The following LRRK1 variants were observed in gnomAD, a reference collection of about 807,000 sequenced individuals.
The protein encoded by LRRK1 is leucine rich repeat kinase 1, also known as leucine-rich repeat serine/threonine-protein kinase 1.
A neutral mutation model predicts 209.1 loss-of-function variants in LRRK1; 113 were observed. The observed-to-expected ratio is 0.54, with a 90% CI of 0.46 to 0.63. The LOEUF is 0.63. Among genes scored for constraint, LRRK1 ranks in the 30% least tolerant of loss-of-function variants. The probability of loss-of-function intolerance (pLI) is 0.00; values close to 1 mark genes in which losing one functional copy is unlikely to be tolerated. For missense variants in LRRK1, 2,284 were observed against 2,632.2 expected (o/e 0.87, Z 2.89); for synonymous variants, 1,144 against 1,099.7 (o/e 1.04, Z -0.80).
intron 21 of LRRK1, among the ~76,000 whole-genome samples, chr15:101,047,213 T>C (rs2035130746): frequency 6.6e-6 from 1 of 152,260 alleles, no homozygotes; most frequent in South Asian, 2.1e-4. Context: ...AAAAATGTTC[T>C]TTGATCTTCC....
At chr15:101,013,751 G>C (rs773787820) in intron 10 of LRRK1, among the ~76,000 whole-genome samples, 1 of 152,168 alleles carries the variant, frequency 6.6e-6, no homozygotes. Context: ...GGCTACCCAC[G>C]AGGGGCACCC....
Position 101,066,151 on chromosome 15 carries a change from A to G in LRRK1, c.5714A>G (p.Gln1905Arg). 1 of 1,613,710 alleles carries G rather than the reference A, an allele frequency of 6.2e-7. No homozygotes were observed. Among genetic ancestry groups the G allele is most frequent in the Non-Finnish European group, 8.5e-7 (1 of 1,179,814 alleles). ...LTPMDGETFS[Q>R]HLQAVKILAV... ...CCCATGGACGGGGAGACCTTCAGCC[A>G]GCACCTGCAGGCCGTGAAGATCCTC... Residue 1905 changes from glutamine (Q) to arginine (R), a missense_variant, in exon 32 of 34, where the codon CAG (glutamine) becomes CGG (arginine). By Grantham distance (43) the Gln-to-Arg change is conservative (BLOSUM62 1). This residue lies in a region of LRRK1 where 643 missense variants were observed against 695.9 expected (regional missense o/e 0.92). Transcript: ENST00000388948.
At position 101,027,801 on chromosome 15, in the gene LRRK1, G is replaced by T; in HGVS notation, c.2686+4G>T. ...GACTACGAGGACCTGCAGTCAGGTG[G>T]GTGGGGCTGGGGTAGGTGGCAGGGT... On this transcript the variant is annotated splice_donor_region_variant and intron_variant, in intron 19 of 33. Transcript: ENST00000388948. This position sits in a 1 kb window ranked among gnomAD's most constrained non-coding sequence, Gnocchi z 5.1. 6.4e-7 allele frequency: 1 copy of T among 1,570,040 alleles called. No individual in the cohort carries two copies. Among genetic ancestry groups the T allele is most frequent in the Non-Finnish European group, 8.6e-7 (1 of 1,156,702 alleles).
chr15:101,027,980 A>C lies in LRRK1; in HGVS notation c.2686+183A>C, dbSNP rs2034118497. Among the ~76,000 whole-genome samples the C allele has an allele frequency of 6.6e-6, 1 of 151,892 alleles. No individual in the cohort carries two copies. Among genetic ancestry groups the C allele is most frequent in the Non-Finnish European group, 1.5e-5 (1 of 67,972 alleles). On this transcript the variant is annotated intron_variant, in intron 19 of 33. Coordinates refer to ENST00000388948, the MANE Select transcript of LRRK1 (RefSeq NM_024652.6). This position sits in a 1 kb window ranked among gnomAD's most constrained non-coding sequence, Gnocchi z 5.1. ...CTTTCCTTGGAGGGAGAGAACACAA[A>C]CAGCTACTCTACACCAGCATTGTGT...
Position 101,054,947 on chromosome 15 carries a change from T to C in LRRK1, c.4056T>C (p.Asp1352=). 1 of 1,570,782 alleles carries C rather than the reference T, an allele frequency of 6.4e-7. No homozygotes were observed. The highest frequency in any genetic ancestry group is 8.6e-7 in the Non-Finnish European group (1 of 1,160,878). The change falls in exon 27 of 34, where the codon GAT becomes GAC. Residue 1352 remains aspartate (D), a splice_region_variant and synonymous_variant. Coordinates refer to ENST00000388948, the MANE Select transcript of LRRK1 (RefSeq NM_024652.6). The stretch of plus-strand genomic sequence containing the variant: ...TTGAAAATTGTTTTTCTTTGCAAGA[T>C]TCTTCCTTTATACCCCTGGGACACA... ...LNTVLSENAR[D]SSFIPLGHML... is the part of the protein sequence containing the mutation.
chr15:100,980,550 A>T (rs1275175116), intron 3 of LRRK1, among the ~76,000 whole-genome samples: 1 of 152,184 alleles, frequency 6.6e-6, no homozygotes, highest in Non-Finnish European at 1.5e-5. Context: ...AAAATGCAGA[A>T]CTATATACAT....
At chr15:100,936,712 AG>A (rs2042306373) in intron 2 of LRRK1, among the ~76,000 whole-genome samples, 1 of 152,166 alleles carries the variant, frequency 6.6e-6, no homozygotes, top group Admixed American at 6.5e-5. Flanking sequence ...TGGGATGTGC[AG>A]TCCTCTATGA....
At chr15:100,933,405 T>C (rs1275633106) in intron 2 of LRRK1, among the ~76,000 whole-genome samples, 1 of 152,224 alleles carries the variant, frequency 6.6e-6, no homozygotes, top group Non-Finnish European at 1.5e-5. Context: ...TCTTTGATAA[T>C]ATTTTTCTCT....
intron 2 of LRRK1, among the ~76,000 whole-genome samples, chr15:100,947,413 T>C (rs2042563664): frequency 6.6e-6 from 1 of 152,244 alleles, no homozygotes; most frequent in African/African-American, 2.4e-5. Flanking sequence ...TATTCTGTTT[T>C]ACAGATTGGA....
intron 6 of LRRK1, among the ~76,000 whole-genome samples, chr15:100,998,215 C>T (rs2032512155): frequency 6.6e-6 from 1 of 151,622 alleles, no homozygotes; most frequent in South Asian, 2.1e-4. Context: ...GCCAAAATAT[C>T]TGGTGGCAGG....
At chr15:100,958,784 C>T (rs536196606) in intron 2 of LRRK1, among the ~76,000 whole-genome samples, 3 of 152,142 alleles carry the variant, frequency 2.0e-5, no homozygotes, top group Admixed American at 6.5e-5. Context: ...GTGGAGAGGA[C>T]GGAAATGTGC....
At chr15:101,044,681 G>C (rs923278626) in intron 20 of LRRK1, among the ~76,000 whole-genome samples, 2 of 152,238 alleles carry the variant, frequency 1.3e-5, no homozygotes, top group African/African-American at 4.8e-5. Flanking sequence ...CCTGGGGACA[G>C]AGAATGCTCC....
intron 6 of LRRK1, 75 bp from the exon 7 acceptor site, chr15:101,008,762 C>A: frequency 5.2e-6 from 6 of 1,152,956 alleles, no homozygotes; most frequent in South Asian, 5.1e-5. Context: ...TTGCATTAAC[C>A]CTTGCTTTAT....
chr15:101,061,389 A>G, intron 30 of LRRK1, 101 bp downstream of exon 30: 1 of 774,962 alleles, frequency 1.3e-6, no homozygotes, highest in Non-Finnish European at 2.1e-6. Flanking sequence ...CGCCAGGTCA[A>G]GTGAACTTTC....
At chr15:100,958,465 C>T (rs1360076103) in intron 2 of LRRK1, among the ~76,000 whole-genome samples, 1 of 152,190 alleles carries the variant, frequency 6.6e-6, no homozygotes, top group African/African-American at 2.4e-5. Context: ...TAAAGCAAGG[C>T]TTTTGTCTTC....
Position 101,054,944 on chromosome 15 carries a change from A to G in LRRK1, c.4055-2A>G. The G allele has an allele frequency of 6.4e-7, 1 of 1,566,846 alleles. No homozygotes were observed. Among genetic ancestry groups the G allele is most frequent in the Non-Finnish European group, 8.6e-7 (1 of 1,159,468 alleles). ...CATTTGAAAATTGTTTTTCTTTGCAAGATTCTTCCTTTATACCCCTGGGAC... is the reference window on the plus strand; with the variant it reads ...CATTTGAAAATTGTTTTTCTTTGCAGGATTCTTCCTTTATACCCCTGGGAC... On this transcript the variant is annotated splice_acceptor_variant, in intron 26 of 33. Transcript: ENST00000388948. LOFTEE classifies it high-confidence loss of function.
At chr15:101,062,838 G>T in intron 31 of LRRK1, 148 bp downstream of exon 31, 1 of 684,080 alleles carries the variant, frequency 1.5e-6, no homozygotes, top group East Asian at 2.5e-5. Flanking sequence ...TGGGAGGAAA[G>T]ATATCAGACC....
At chr15:101,031,891 C>A (rs888010386) in intron 20 of LRRK1, among the ~76,000 whole-genome samples, 5 of 152,198 alleles carry the variant, frequency 3.3e-5, no homozygotes, top group Non-Finnish European at 5.9e-5. Flanking sequence ...CCCACCACCG[C>A]GCCTGGCTAA....
intron 12 of LRRK1, among the ~76,000 whole-genome samples, chr15:101,019,373 T>C (rs549950016): frequency 3.9e-5 from 6 of 152,236 alleles, no homozygotes; most frequent in Middle Eastern, 6.8e-3. Flanking sequence ...TCTTTTTTCA[T>C]TGAAGGAAAA....
Sources: gnomAD v4.1 joint callset for allele counts (sites outside exome capture counted in the v4.1 genomes callset) on GRCh38, gnomAD v4.1.1 for gene constraint, gnomAD v4.1.1 regional missense constraint, Gnocchi (gnomAD v3.1) non-coding constraint, MANE v1.5 for transcripts, NCBI Gene and HGNC (gene_info 2026-07-23, HGNC 2026-07-21) for gene names.